The following STK17A variants were observed in gnomAD, a reference collection of about 807,000 sequenced individuals.
STK17A encodes serine/threonine kinase 17a.
A neutral mutation model predicts 43.7 loss-of-function variants in STK17A; 26 were observed. The observed-to-expected ratio is 0.60, with a 90% CI of 0.44 to 0.83. The LOEUF is 0.83. Among genes scored for constraint, STK17A ranks in the 40% least tolerant of loss-of-function variants. STK17A has a pLI of 0.00. For synonymous variants in STK17A, 191 were observed against 182.5 expected, an observed-to-expected ratio of 1.05 and a Z score of -0.38; for missense variants, 476 against 511.6, an observed-to-expected ratio of 0.93 and a Z score of 0.67.
intron 1 of STK17A, among the ~76,000 whole-genome samples, chr7:43,590,284 A>G (rs1295985189): frequency 6.6e-6 from 1 of 151,346 alleles, no homozygotes; most frequent in Non-Finnish European, 1.5e-5. Flanking sequence ...CAGTATTCTA[A>G]TAGGTTCCAG....
rs768388950 is a variant in STK17A at position 43,624,742 on chromosome 7, G to A, written c.1145G>A (p.Arg382Lys). The A allele has an allele frequency of 1.9e-6, 3 of 1,613,768 alleles. No homozygotes were observed. The African/African-American group carries it at 4.0e-5, about 22-fold the overall frequency. The change falls in exon 7 of 7, where the codon AGA becomes AAA. Residue 382 changes from arginine (R) to lysine (K), a missense_variant. By Grantham distance (26) the Arg-to-Lys change is conservative. Transcript: ENST00000319357. The stretch of plus-strand genomic sequence containing the variant: ...ACTTCATATACTCTAGGACAATGCA[G>A]ACAGTCTGAAAAAGAGAAAATGGAG... ...VVTSYTLGQC[R>K]QSEKEKMEQK...
At chr7:43,614,513 C>T (rs1470962265) in intron 3 of STK17A, among the ~76,000 whole-genome samples, 1 of 152,142 alleles carries the variant, frequency 6.6e-6, no homozygotes, top group Non-Finnish European at 1.5e-5. Flanking sequence ...TATATTTCAC[C>T]ATCGAAGAAC....
chr7:43,601,930 A>G (rs1030968774), intron 2 of STK17A, among the ~76,000 whole-genome samples: 2 of 151,930 alleles, frequency 1.3e-5, no homozygotes, highest in Admixed American at 6.6e-5. Flanking sequence ...GCTAATCAAT[A>G]TCTTTACTGT....
intron 1 of STK17A, among the ~76,000 whole-genome samples, chr7:43,586,655 A>G (rs2082442338): frequency 6.6e-6 from 1 of 151,478 alleles, no homozygotes; most frequent in Non-Finnish European, 1.5e-5. Flanking sequence ...AGATGTTTCA[A>G]GGAACTTAAA....
intron 3 of STK17A, chr7:43,608,704 G>C (rs35535441): frequency 0.19 from 38,286 of 204,234 alleles, 4,208 homozygotes; most frequent in East Asian, 0.33. Context: ...AAGAATGAGA[G>C]AAAATTGCTC....
At position 43,624,645 on chromosome 7, in the gene STK17A, C is replaced by A. The variant is rs770770740; in HGVS notation, c.1048C>A (p.Pro350Thr). 4 of 1,614,038 alleles carry A rather than the reference C, an allele frequency of 2.5e-6. No individual in the cohort carries two copies. Among genetic ancestry groups the A allele is most frequent in the Non-Finnish European group, 3.4e-6 (4 of 1,179,994 alleles). Residue 350 changes from proline (P) to threonine (T), a missense_variant, in exon 7 of 7, where the codon CCT becomes ACT. Transcript: ENST00000319357. ...TGCCCTCCAAGAAGGTCATTCTGTG[C>A]CTGAAATTAATTCGGATACCGACAA... ...ANALQEGHSVPEINSDTDKSE... is the reference protein window; with the variant it reads ...ANALQEGHSVTEINSDTDKSE...
At chr7:43,593,302 G>C (rs2082492163) in intron 1 of STK17A, among the ~76,000 whole-genome samples, 1 of 152,216 alleles carries the variant, frequency 6.6e-6, no homozygotes, top group African/African-American at 2.4e-5. Context: ...GTCATCCACT[G>C]ATGGACACTT....
Position 43,589,301 on chromosome 7 carries a change from T to C in STK17A, c.206+5852T>C, listed in dbSNP as rs1294550848. Among the ~76,000 whole-genome samples the C allele has an allele frequency of 1.3e-5, 2 of 151,432 alleles. 1 individual carries two copies. On this transcript the variant is annotated intron_variant, in intron 1 of 6. Coordinates refer to ENST00000319357, the MANE Select transcript of STK17A (RefSeq NM_004760.3). ...AAACTCACAGTCCAGCTGGGAGACA[T>C]AGTACAACAAGTTGTAATATATAAG...
At chr7:43,601,391 T>G (rs1173907529) in intron 2 of STK17A, among the ~76,000 whole-genome samples, 1 of 152,210 alleles carries the variant, frequency 6.6e-6, no homozygotes, top group Non-Finnish European at 1.5e-5. Context: ...GGTTAAAAGT[T>G]TTTTTAAAAA....
Position 43,591,378 on chromosome 7 carries a change from A to G in STK17A, c.207-4523A>G, listed in dbSNP as rs973358673. Among the ~76,000 whole-genome samples the G allele has an allele frequency of 4.0e-5, 6 of 151,512 alleles. 1 individual carries two copies. The highest frequency in any genetic ancestry group is 8.9e-5 in the Non-Finnish European group (6 of 67,638). ...CATTGGAAGCCAAACATACCCATTC[A>G]TTTACCTTTCTTGTATGGCTGCTTT... On this transcript the variant is annotated intron_variant, in intron 1 of 6. Transcript: ENST00000319357.
chr7:43,585,889 C>G (rs547760633), intron 1 of STK17A, among the ~76,000 whole-genome samples: 1 of 151,516 alleles, frequency 6.6e-6, no homozygotes, highest in Non-Finnish European at 1.5e-5. Flanking sequence ...CAAAAAATGC[C>G]TCTATGTCTG....
At position 43,595,376 on chromosome 7, in the gene STK17A, C is replaced by G. The variant is rs576257060; in HGVS notation, c.207-525C>G. On this transcript the variant is annotated intron_variant, in intron 1 of 6. Coordinates refer to ENST00000319357, the MANE Select transcript of STK17A (RefSeq NM_004760.3). The stretch of plus-strand genomic sequence containing the variant: ...CGCTGCAACCTCCACCTCCCAGGTT[C>G]AAGCGATTCCCATGCCTCAGCCTCC... Among the ~76,000 whole-genome samples, 8 of 148,534 alleles carry G rather than the reference C, an allele frequency of 5.4e-5. No homozygotes were observed. The East Asian group carries it at 1.4e-3, about 26-fold the overall frequency.
chr7:43,590,066 C>A (rs2082469628), intron 1 of STK17A, among the ~76,000 whole-genome samples: 3 of 150,240 alleles, frequency 2.0e-5, no homozygotes, highest in African/African-American at 7.3e-5. Flanking sequence ...CCCATCCCAG[C>A]ATCTCAAGTG....
intron 3 of STK17A, among the ~76,000 whole-genome samples, chr7:43,611,845 T>C (rs2082906840): frequency 6.6e-6 from 1 of 152,212 alleles, no homozygotes; most frequent in African/African-American, 2.4e-5. Flanking sequence ...CCAATTTAAA[T>C]AGCATTGCAC....
chr7:43,609,700 A>G (rs982015701), intron 3 of STK17A: 6 of 152,286 alleles, frequency 3.9e-5, no homozygotes, highest in African/African-American at 1.4e-4. Flanking sequence ...CCTAGTTCCT[A>G]GTGTTTATTT....
At chr7:43,595,868 A>G (rs2152971135) in intron 1 of STK17A, 33 bp from the exon 2 acceptor site, 1 of 1,600,968 alleles carries the variant, frequency 6.2e-7, no homozygotes, top group East Asian at 2.2e-5. Flanking sequence ...AAAGTTGTCA[A>G]CTTTAACAGT....
intron 3 of STK17A, among the ~76,000 whole-genome samples, chr7:43,616,696 G>T (rs1014083551): frequency 6.6e-6 from 1 of 152,180 alleles, no homozygotes; most frequent in Admixed American, 6.5e-5. Context: ...AGGAGATCGA[G>T]ACCATCCTGG....
At chr7:43,615,767 C>T (rs1456124343) in intron 3 of STK17A, among the ~76,000 whole-genome samples, 1 of 152,174 alleles carries the variant, frequency 6.6e-6, no homozygotes, top group Non-Finnish European at 1.5e-5. Context: ...TGCTCCACAG[C>T]AGTACGGCCT....
chr7:43,594,989 G>A (rs2082505502), intron 1 of STK17A, among the ~76,000 whole-genome samples: 1 of 151,940 alleles, frequency 6.6e-6, no homozygotes, highest in Non-Finnish European at 1.5e-5. Context: ...GCCCACATAG[G>A]TTTAATTCCA....
Sources: allele counts gnomAD v4.1 joint callset (sites outside exome capture counted in the v4.1 genomes callset), GRCh38; gene constraint gnomAD v4.1.1; transcripts MANE v1.5; gene names NCBI Gene and HGNC (gene_info 2026-07-23, HGNC 2026-07-21).